Variants in CCNG2 observed in about 807,000 individuals in gnomAD.
CCNG2 encodes cyclin G2, also known as cyclin-G2.
A neutral mutation model predicts 36.5 loss-of-function variants in CCNG2; 20 were observed. The observed-to-expected ratio is 0.55, with a 90% CI of 0.39 to 0.80. The LOEUF (loss-of-function observed/expected upper bound fraction) is 0.80. Ranked by LOEUF, CCNG2 falls within the 30% of genes least tolerant of loss-of-function variation. The pLI, the probability that CCNG2 is intolerant of heterozygous loss-of-function variation, is 0.00. For missense variants in CCNG2, 358 were observed against 390.8 expected (o/e 0.92, Z 0.71); for synonymous variants, 155 against 140.1 (o/e 1.11, Z -0.75).
chr4:77,161,788 G>C (rs755557723), intron 6 of CCNG2, 41 bp downstream of exon 6: 1 of 1,286,228 alleles, frequency 7.8e-7, no homozygotes, highest in Non-Finnish European at 1.1e-6. Context: ...TTTTTTTCCT[G>C]ATGTTTATTT....
At position 77,166,182 on chromosome 4, in the gene CCNG2, G is replaced by A. The variant is rs1309356256; in HGVS notation, c.*258G>A. The A allele has an allele frequency of 3.8e-6, 1 of 263,486 alleles. No homozygotes were observed. The highest frequency in any genetic ancestry group is 7.1e-6 in the Non-Finnish European group (1 of 140,292). 16.3% of individuals were successfully genotyped at this position (263,486 alleles called of 1,614,324 possible). On this transcript the variant is annotated 3_prime_UTR_variant, in exon 8 of 8. Coordinates refer to ENST00000316355, the MANE Select transcript of CCNG2 (RefSeq NM_004354.3). ...TTCTCGTAGATCTTTAGCTACTTTG[G>A]GGAGGAGGGAAGGTGCTGATACCTT...
rs145892890 is a variant in CCNG2 at position 77,168,678 on chromosome 4, AAG to A, written c.*2759_*2760del. ...TAAGGCAGTGGAAGTGTGGATGAGG[AAG>A]AGAGGTGAAAATTGAGAAGCGCTAT... On this transcript the variant is annotated 3_prime_UTR_variant, in exon 8 of 8. Coordinates refer to ENST00000316355, the MANE Select transcript of CCNG2 (RefSeq NM_004354.3). The A allele has an allele frequency of 0.074, 11,284 of 152,300 alleles. 810 individuals are homozygous for A. Among genetic ancestry groups the A allele is most frequent in the African/African-American group, 0.18 (7,424 of 41,462 alleles). 9.4% of individuals were successfully genotyped at this position (152,300 alleles called of 1,614,324 possible). A position where few individuals can be genotyped will look rare whatever the true frequency, so the allele number is the denominator to read the frequency against.
At position 77,164,448 on chromosome 4, in the gene CCNG2, C is replaced by A. The variant is rs752018072; in HGVS notation, c.880C>A (p.Pro294Thr). Residue 294 changes from proline to threonine, a missense_variant, in exon 7 of 8, where the codon CCT becomes ACT. Physicochemically the swap from Pro to Thr is conservative, Grantham distance 38 (BLOSUM62 -1). Transcript: ENST00000316355. ...YYSVPELPTI[P>T]EGGCFDESES... Reference sequence around the variant, plus strand: ...TAGTGTTCCTGAGCTGCCAACGATACCTGAGGGGGGTTGTTTTGATGAAAG... The same window carrying A: ...TAGTGTTCCTGAGCTGCCAACGATAACTGAGGGGGGTTGTTTTGATGAAAG... 1 of 1,613,950 alleles carries A rather than the reference C, an allele frequency of 6.2e-7. No individual in the cohort carries two copies. The highest frequency in any genetic ancestry group is 2.2e-5 in the East Asian group (1 of 44,876).
At position 77,164,255 on chromosome 4, in the gene CCNG2, T is replaced by TA; in HGVS notation, c.706-15dup. The TA allele has an allele frequency of 1.2e-6, 2 of 1,600,320 alleles. No homozygotes were observed. The highest frequency in any genetic ancestry group is 1.7e-6 in the Non-Finnish European group (2 of 1,167,778). On this transcript the variant is annotated intron_variant, in intron 6 of 7. Coordinates refer to ENST00000316355, the MANE Select transcript of CCNG2 (RefSeq NM_004354.3). ...TTTGGGAGACATTGCCGTAACCTCT[T>TA]AAAATATTTTTTTTTCAGATTAATG...
At chr4:77,164,581 C>T in intron 7 of CCNG2, 102 bp downstream of exon 7, 1 of 796,084 alleles carries the variant, frequency 1.3e-6, no homozygotes, top group Admixed American at 2.8e-5. Context: ...AAAGCAAGCA[C>T]CTACACTAAG....
intron 3 of CCNG2, among the ~76,000 whole-genome samples, 155 bp downstream of exon 3, chr4:77,159,659 A>G (rs1731374165): frequency 1.3e-5 from 2 of 152,244 alleles, no homozygotes; most frequent in South Asian, 4.1e-4. Flanking sequence ...GAATAAGACT[A>G]CAAGATTAAT....
intron 6 of CCNG2, 86 bp from the exon 7 acceptor site, chr4:77,164,188 T>C: frequency 1.1e-6 from 1 of 900,470 alleles, no homozygotes; most frequent in Non-Finnish European, 1.8e-6. Context: ...TATATATATA[T>C]ATTTTTCATA....
At position 77,169,288 on chromosome 4, in the gene CCNG2, G is replaced by C. The variant is rs1008881892; in HGVS notation, c.*3364G>C. On this transcript the variant is annotated 3_prime_UTR_variant, in exon 8 of 8. Coordinates refer to ENST00000316355, the MANE Select transcript of CCNG2 (RefSeq NM_004354.3). ...CACACATGCAAATTGTCAGCTTATT[G>C]AGACAACCCACTTAGATTCATATAT... is the stretch of plus-strand genomic sequence containing the variant. The C allele has an allele frequency of 1.3e-5, 2 of 152,144 alleles. No homozygotes were observed. Among genetic ancestry groups the C allele is most frequent in the African/African-American group, 4.8e-5 (2 of 41,420 alleles). The allele number at this position is 152,144 out of a possible 1,614,324, so 9.4% of individuals were successfully genotyped here. A position where few individuals can be genotyped will look rare whatever the true frequency, so the allele number is the denominator to read the frequency against.
chr4:77,158,468 T>A, intron 1 of CCNG2, 65 bp from the exon 2 acceptor site: 1 of 1,565,114 alleles, frequency 6.4e-7, no homozygotes, highest in South Asian at 1.1e-5. Context: ...GCCTCAGCCC[T>A]TTCTCCCGCT....
Position 77,165,782 on chromosome 4 carries a change from TGTC to T in CCNG2, c.912-18_912-16del. 1 of 1,533,830 alleles carries T rather than the reference TGTC, an allele frequency of 6.5e-7. No individual in the cohort carries two copies. The highest frequency in any genetic ancestry group is 8.8e-7 in the Non-Finnish European group (1 of 1,142,616). On this transcript the variant is annotated splice_polypyrimidine_tract_variant and intron_variant, in intron 7 of 7. Transcript: ENST00000316355. ...TTTAAGTAATGGTATCCTCTTTTTTTGTCTCTTTTTCTCTTTAGTGAGGACTCT... is the reference window on the plus strand; with the variant it reads ...TTTAAGTAATGGTATCCTCTTTTTTTTCTTTTTCTCTTTAGTGAGGACTCT...
chr4:77,157,747 C>T lies in CCNG2; in HGVS notation c.-1+241C>T, dbSNP rs574688572. Among the ~76,000 whole-genome samples, 579 of 152,144 alleles carry T rather than the reference C, an allele frequency of 3.8e-3. 5 individuals are homozygous for T. The highest frequency in any genetic ancestry group is 0.013 in the African/African-American group (537 of 41,522). On this transcript the variant is annotated intron_variant, in intron 1 of 7. Coordinates refer to ENST00000316355, the MANE Select transcript of CCNG2 (RefSeq NM_004354.3). The stretch of plus-strand genomic sequence containing the variant: ...TAAGGGCAGTCTCCGCCTCGGTGCC[C>T]CCCGCCCCCGCTCGTGTTGTCACGG...
rs1160333860 is a variant in CCNG2, at chr4:77,161,480, G to A, written c.528G>A (p.Arg176=). The A allele has an allele frequency of 6.3e-6, 10 of 1,584,518 alleles. No homozygotes were observed. Among genetic ancestry groups the A allele is most frequent in the Non-Finnish European group, 7.7e-6 (9 of 1,164,436 alleles). ...HTIILCHTSE[R]KEILSLDKLE... The stretch of plus-strand genomic sequence containing the variant: ...AATCTTTGTTCTTTGCATTGTATAG[G>A]AAAGAAATACTGAGCCTTGATAAAC... The change falls in exon 5 of 8, where the codon AGG becomes AGA. Residue 176 remains arginine (R), a splice_region_variant and synonymous_variant. Transcript: ENST00000316355.
chr4:77,163,165 C>T (rs911902907), intron 6 of CCNG2, among the ~76,000 whole-genome samples: 5 of 152,024 alleles, frequency 3.3e-5, no homozygotes, highest in African/African-American at 4.8e-5. Context: ...GTAGTTGAAA[C>T]GGTAAGAAGC....
At chr4:77,164,501 T>G (rs755784099) in intron 7 of CCNG2, 22 bp downstream of exon 7, 14 of 1,567,022 alleles carry the variant, frequency 8.9e-6, no homozygotes, top group Non-Finnish European at 1.2e-5. Context: ...CCTTGACTAA[T>G]TAAACTTCCC....
chr4:77,158,586 C>T lies in CCNG2; in HGVS notation c.54C>T (p.Leu18=), dbSNP rs374959105. The change falls in exon 2 of 8, where the codon CTC becomes CTT. Residue 18 remains leucine, a synonymous_variant. Transcript: ENST00000316355. The stretch of plus-strand genomic sequence containing the variant: ...CAGGTCATGAAGGGGTCCAACTTCT[C>T]GGGTTGTTGAACGTCTACCTGGAAC... The part of the protein sequence containing the change: ...HLAGHEGVQL[L]GLLNVYLEQE... 1.1e-4 allele frequency: 179 copies of T among 1,613,984 alleles called. No homozygotes were observed. Among genetic ancestry groups the T allele is most frequent in the Non-Finnish European group, 1.3e-4 (157 of 1,180,010 alleles).
chr4:77,159,429 C>T lies in CCNG2; in HGVS notation c.201C>T (p.Ala67=). Reference sequence around the variant, plus strand: ...AAGTTGAAGATTTAAGGAGTTTAGCCAACTTTTTTGGATCTTGCACTGAAA... The same window carrying T: ...AAGTTGAAGATTTAAGGAGTTTAGCTAACTTTTTTGGATCTTGCACTGAAA... ...NAKVEDLRSL[A]NFFGSCTETF... Residue 67 remains alanine (A), a synonymous_variant, in exon 3 of 8, where the codon GCC becomes GCT. Coordinates refer to ENST00000316355, the MANE Select transcript of CCNG2 (RefSeq NM_004354.3). 6.2e-7 allele frequency: 1 copy of T among 1,613,862 alleles called. No homozygotes were observed. The highest frequency in any genetic ancestry group is 8.5e-7 in the Non-Finnish European group (1 of 1,179,882).
intron 6 of CCNG2, among the ~76,000 whole-genome samples, chr4:77,162,337 T>C (rs1731461612): frequency 6.6e-6 from 1 of 152,016 alleles, no homozygotes. Context: ...TTATTGTGTC[T>C]TGGTGCCAGG....
intron 1 of CCNG2, 115 bp from the exon 2 acceptor site, chr4:77,158,418 T>G: frequency 9.9e-7 from 1 of 1,005,194 alleles, no homozygotes; most frequent in Non-Finnish European, 1.5e-6. Context: ...CACCCGCTCC[T>G]TGTCGGGGTG....
intron 2 of CCNG2, 114 bp downstream of exon 2, chr4:77,158,784 C>T (rs1454311121): frequency 9.7e-6 from 10 of 1,035,144 alleles, no homozygotes; most frequent in Non-Finnish European, 1.4e-6. Flanking sequence ...AAAAGTTGTT[C>T]TTTCTGGAGT....
Sources: gnomAD v4.1 joint callset for allele counts (sites outside exome capture counted in the v4.1 genomes callset) on GRCh38, gnomAD v4.1.1 for gene constraint, MANE v1.5 for transcripts, NCBI Gene and HGNC (gene_info 2026-07-23, HGNC 2026-07-21) for gene names.